The following COL4A2 variants were observed in gnomAD, a reference collection of about 807,000 sequenced individuals.
The protein encoded by COL4A2 is collagen alpha-2(IV) chain.
A neutral mutation model predicts 200.2 loss-of-function variants in COL4A2; 99 were observed. The ratio of observed to expected loss-of-function variants is 0.49; its 90% confidence interval spans 0.42 to 0.58. COL4A2 has a LOEUF of 0.58. COL4A2 is among the 20% of genes least tolerant of loss of function. The pLI is 0.00. For synonymous variants in COL4A2, 897 were observed against 900.6 expected, an observed-to-expected ratio of 1.00 and a Z score of 0.07; for missense variants, 1,950 against 2,314.1, an observed-to-expected ratio of 0.84 and a Z score of 3.23.
At chr13:110,453,290 T>G (rs61963249) in intron 20 of COL4A2, among the ~76,000 whole-genome samples, 41,594 of 151,738 alleles carry the variant, frequency 0.27, 6,047 homozygotes, top group Middle Eastern at 0.47. Context: ...TCACCTGAGG[T>G]CGGGAGTTCG....
chr13:110,318,644 T>C (rs745585652), intron 3 of COL4A2, among the ~76,000 whole-genome samples: 1 of 152,220 alleles, frequency 6.6e-6, no homozygotes, highest in Non-Finnish European at 1.5e-5. Context: ...TTCAACTCTT[T>C]ACACTGTAGT....
In COL4A2 at chr13:110,508,175, G is replaced by A; in HGVS notation, c.4835G>A (p.Cys1612Tyr). The change falls in exon 47 of 48, where the codon TGC becomes TAC. Residue 1612 changes from cysteine to tyrosine, a missense_variant. Cys to Tyr is a radical substitution (Grantham distance 194). Coordinates refer to ENST00000360467, the MANE Select transcript of COL4A2 (RefSeq NM_001846.4). This position sits in a 1 kb window ranked among gnomAD's most constrained non-coding sequence, Gnocchi z 6.1. ...VHSQDVSIPHCPAGWRSLWIG... is the reference protein window; with the variant it reads ...VHSQDVSIPHYPAGWRSLWIG... ...AGTCAGGATGTCTCCATCCCACACTGCCCAGCTGGGTGGCGGAGTTTGTGG... is the reference window on the plus strand; with the variant it reads ...AGTCAGGATGTCTCCATCCCACACTACCCAGCTGGGTGGCGGAGTTTGTGG... 1 of 1,614,242 alleles carries A rather than the reference G, an allele frequency of 6.2e-7. No individual in the cohort carries two copies. Among genetic ancestry groups the A allele is most frequent in the Non-Finnish European group, 8.5e-7 (1 of 1,180,036 alleles).
intron 4 of COL4A2, among the ~76,000 whole-genome samples, chr13:110,408,086 G>A (rs1879639008): frequency 6.6e-6 from 1 of 152,190 alleles, no homozygotes; most frequent in Admixed American, 6.5e-5. Flanking sequence ...CATGAGTTTG[G>A]AGGGGAAGAG....
chr13:110,498,156 A>G (rs1431401748), intron 40 of COL4A2, among the ~76,000 whole-genome samples: 1 of 152,250 alleles, frequency 6.6e-6, no homozygotes, highest in Non-Finnish European at 1.5e-5. Context: ...TGGCCATGGT[A>G]TTGAATGTCT....
In COL4A2 at chr13:110,487,700, T is replaced by C. The variant is rs1275701567; in HGVS notation, c.3208-1745T>C. On this transcript the variant is annotated intron_variant, in intron 34 of 47. Coordinates refer to ENST00000360467, the MANE Select transcript of COL4A2 (RefSeq NM_001846.4). Reference sequence around the variant, plus strand: ...AACCTAACTTCATTTCCAAACTTTATGTTGAACAAAATAAACCAGAAACAG... The same window carrying C: ...AACCTAACTTCATTTCCAAACTTTACGTTGAACAAAATAAACCAGAAACAG... 3.9e-4 allele frequency among the ~76,000 whole-genome samples: 60 copies of C among 152,192 alleles called. 1 individual carries two copies. The highest frequency in any genetic ancestry group is 8.8e-5 in the Non-Finnish European group (6 of 68,032).
At position 110,495,339 on chromosome 13, in the gene COL4A2, C is replaced by T. The variant is rs369871224; in HGVS notation, c.3635-3C>T. On this transcript the variant is annotated splice_polypyrimidine_tract_variant and splice_region_variant and intron_variant, in intron 39 of 47. Coordinates refer to ENST00000360467, the MANE Select transcript of COL4A2 (RefSeq NM_001846.4). ...ATCAGCTGCTGTTATAACTCTTCCA[C>T]AGGTTCTGACATCCACGGAGACCCA... The T allele has an allele frequency of 5.0e-6, 8 of 1,614,034 alleles. No individual in the cohort carries two copies. In the African/African-American group the frequency reaches 9.3e-5, roughly 19 times the overall value.
In COL4A2 at chr13:110,466,023, AGGGCC is replaced by A. The variant is rs1364943044; in HGVS notation, c.2001_2005del (p.Arg667SerfsTer4). ...CCCAGATTGTGACACAGATGTGAAA[AGGGCC>A]GTTGGAGGTGACAGACAGGAGGCCA... On this transcript the variant is annotated frameshift_variant, in exon 26 of 48. Coordinates refer to ENST00000360467, the MANE Select transcript of COL4A2 (RefSeq NM_001846.4). LOFTEE classifies it high-confidence loss of function. 6.2e-7 allele frequency: 1 copy of A among 1,613,794 alleles called. No individual in the cohort carries two copies. Among genetic ancestry groups the A allele is most frequent in the Non-Finnish European group, 8.5e-7 (1 of 1,179,748 alleles).
chr13:110,512,460 G>A lies in COL4A2; in HGVS notation c.*269G>A. On this transcript the variant is annotated 3_prime_UTR_variant, in exon 48 of 48. Transcript: ENST00000360467. Reference sequence around the variant, plus strand: ...GCTAGACGCACCGCCTGAAGGCACAGCTAACCACTTCGCACACACCCATGT... The same window carrying A: ...GCTAGACGCACCGCCTGAAGGCACAACTAACCACTTCGCACACACCCATGT... 1 of 547,268 alleles carries A rather than the reference G, an allele frequency of 1.8e-6. No homozygotes were observed. The highest frequency in any genetic ancestry group is 3.2e-6 in the Non-Finnish European group (1 of 312,662). 33.9% of individuals were successfully genotyped at this position (547,268 alleles called of 1,614,324 possible). A position where few individuals can be genotyped will look rare whatever the true frequency, so the allele number is the denominator to read the frequency against.
intron 3 of COL4A2, among the ~76,000 whole-genome samples, chr13:110,351,433 G>A (rs61522750): frequency 0.037 from 5,690 of 152,212 alleles, 351 homozygotes; most frequent in African/African-American, 0.13. Context: ...CCTTGCCGGC[G>A]TGGGTTTTGT....
At chr13:110,465,730 C>A (rs9559812) in intron 25 of COL4A2, 124 bp downstream of exon 25, 1 of 967,304 alleles carries the variant, frequency 1.0e-6, no homozygotes, top group Non-Finnish European at 1.5e-6. Flanking sequence ...TGTTCTCGCA[C>A]GTACAAGGGA....
At chr13:110,365,672 T>C (rs1288070121) in intron 4 of COL4A2, among the ~76,000 whole-genome samples, 1 of 152,190 alleles carries the variant, frequency 6.6e-6, no homozygotes, top group African/African-American at 2.4e-5. Context: ...GCCTTGGCTC[T>C]CCAAGAGTCA....
intron 3 of COL4A2, among the ~76,000 whole-genome samples, chr13:110,311,776 G>A (rs1884989961): frequency 6.6e-6 from 1 of 152,210 alleles, no homozygotes; most frequent in Non-Finnish European, 1.5e-5. Flanking sequence ...AGCCGGCTGG[G>A]TGGTCACCTG....
chr13:110,419,764 G>A (rs561625883), intron 4 of COL4A2, among the ~76,000 whole-genome samples: 64 of 152,308 alleles, frequency 4.2e-4, no homozygotes, highest in African/African-American at 1.4e-3. Flanking sequence ...GGCAGCCCCC[G>A]CGCCCCGTCC....
chr13:110,309,295 A>C (rs1048126879), intron 3 of COL4A2, among the ~76,000 whole-genome samples: 1 of 152,152 alleles, frequency 6.6e-6, no homozygotes, highest in South Asian at 2.1e-4. Flanking sequence ...GGAGACTTTG[A>C]CCAGAGCACT....
intron 18 of COL4A2, 22 bp downstream of exon 18, chr13:110,446,886 C>T: frequency 6.3e-7 from 1 of 1,590,038 alleles, no homozygotes. Flanking sequence ...ATTTCACCTG[C>T]ATAGTTCAGC....
At chr13:110,347,874 C>T (rs779367181) in intron 3 of COL4A2, among the ~76,000 whole-genome samples, 47 of 152,342 alleles carry the variant, frequency 3.1e-4, no homozygotes, top group Non-Finnish European at 5.3e-4. Flanking sequence ...TATGAAAACA[C>T]GGGGCTTGTT....
Position 110,467,183 on chromosome 13 carries a change from G to T in COL4A2, c.2095+87G>T, listed in dbSNP as rs1017793458. ...GTCTCCCCCGCCCATCTTTCCTCTG[G>T]TCCTGCATCCCCCACCCCAGACATG... is the stretch of plus-strand genomic sequence containing the variant. On this transcript the variant is annotated intron_variant, in intron 27 of 47. Coordinates refer to ENST00000360467, the MANE Select transcript of COL4A2 (RefSeq NM_001846.4). The T allele has an allele frequency of 5.8e-6, 9 of 1,548,050 alleles. No individual in the cohort carries two copies. The African/African-American group carries it at 8.2e-5, about 14-fold the overall frequency.
At chr13:110,441,572 C>T (rs922817351) in intron 16 of COL4A2, among the ~76,000 whole-genome samples, 2 of 152,160 alleles carry the variant, frequency 1.3e-5, no homozygotes, top group Non-Finnish European at 2.9e-5. Flanking sequence ...ACACCTAGAA[C>T]AAGAGCTATC....
chr13:110,465,497 G>T lies in COL4A2; in HGVS notation c.1869G>T (p.Leu623=), dbSNP rs773649473. The T allele has an allele frequency of 6.2e-7, 1 of 1,614,032 alleles. No homozygotes were observed. ...GTPGEMGPPG[L]GLPGLKGQRG... ...CAGGAGAAATGGGCCCCCCAGGACT[G>T]GGCCTTCCCGGCCTCAAAGGCCAAC... The change falls in exon 25 of 48, where the codon CTG becomes CTT. Residue 623 remains leucine (L), a synonymous_variant. Coordinates refer to ENST00000360467, the MANE Select transcript of COL4A2 (RefSeq NM_001846.4).
Sources: gnomAD v4.1 joint callset for allele counts (sites outside exome capture counted in the v4.1 genomes callset) on GRCh38, gnomAD v4.1.1 for gene constraint, Gnocchi (gnomAD v3.1) non-coding constraint, MANE v1.5 for transcripts, NCBI Gene and HGNC (gene_info 2026-07-23, HGNC 2026-07-21) for gene names.